The following OSBPL9 variants were observed in gnomAD, a reference collection of about 807,000 sequenced individuals.
OSBPL9 encodes oxysterol binding protein like 9.
OSBPL9 carries 40 observed loss-of-function variants against 106.6 expected under a neutral mutation model. The ratio of observed to expected loss-of-function variants is 0.38; its 90% confidence interval spans 0.29 to 0.49. The LOEUF (loss-of-function observed/expected upper bound fraction) is 0.49. Ranked by LOEUF, OSBPL9 falls within the 20% of genes least tolerant of loss-of-function variation. The probability of loss-of-function intolerance (pLI) is 0.97; values close to 1 mark genes in which losing one functional copy is unlikely to be tolerated. For synonymous variants in OSBPL9, 269 were observed against 295.4 expected, an observed-to-expected ratio of 0.91 and a Z score of 0.92; for missense variants, 609 against 887.2, an observed-to-expected ratio of 0.69 and a Z score of 3.98.
At chr1:51,713,474 A>G (rs747341019) in intron 3 of OSBPL9, among the ~76,000 whole-genome samples, 20 of 152,156 alleles carry the variant, frequency 1.3e-4, no homozygotes, top group Non-Finnish European at 2.4e-4. Context: ...CTTAAATTAA[A>G]GAAGTTTTAG....
chr1:51,657,472 G>T (rs1646886381), intron 2 of OSBPL9, among the ~76,000 whole-genome samples: 1 of 152,206 alleles, frequency 6.6e-6, no homozygotes, highest in Non-Finnish European at 1.5e-5. Flanking sequence ...AGGTCACATA[G>T]GAATGGTGAA....
intron 2 of OSBPL9, among the ~76,000 whole-genome samples, chr1:51,604,116 A>G (rs1643917211): frequency 6.6e-6 from 1 of 152,218 alleles, no homozygotes; most frequent in Non-Finnish European, 1.5e-5. Context: ...CAAAATCTTC[A>G]GGCAGTGAGC....
At chr1:51,532,999 TG>T in the OSBPL9 span, among the ~76,000 whole-genome samples, 1 of 152,146 alleles carries the variant, frequency 6.6e-6, no homozygotes, top group African/African-American at 2.4e-5. Flanking sequence ...GGTAATTAAA[TG>T]GTAATTGGTA....
upstream of OSBPL9, among the ~76,000 whole-genome samples, chr1:51,572,859 A>G (rs192646576): frequency 3.7e-3 from 570 of 152,340 alleles, 3 homozygotes; most frequent in Non-Finnish European, 6.7e-3. Flanking sequence ...TTTTTTTAGT[A>G]TATGTGCTGC....
chr1:51,594,433 A>G (rs549456992), intron 1 of OSBPL9, among the ~76,000 whole-genome samples: 1 of 152,078 alleles, frequency 6.6e-6, no homozygotes. Flanking sequence ...AACAGAAAAG[A>G]AAAAAGAAAA....
chr1:51,780,696 G>A (rs1238441168), intron 15 of OSBPL9, among the ~76,000 whole-genome samples: 2 of 152,038 alleles, frequency 1.3e-5, no homozygotes, highest in Non-Finnish European at 2.9e-5. Context: ...AACCTGGGAG[G>A]TGAGGTTACA....
At chr1:51,731,619 A>C (rs1028050523) in intron 4 of OSBPL9, among the ~76,000 whole-genome samples, 5 of 151,980 alleles carry the variant, frequency 3.3e-5, no homozygotes, top group Admixed American at 3.3e-4. Context: ...TCTACTAAAA[A>C]CACAAAAATT....
the OSBPL9 span, among the ~76,000 whole-genome samples, chr1:51,569,962 C>A: frequency 2.4e-3 from 359 of 152,278 alleles, 1 homozygote; most frequent in African/African-American, 8.3e-3. Context: ...GGAGGTGAGT[C>A]ACCTGCCTAG....
rs1674365736 is a variant in OSBPL9, at chr1:51,773,377, A to G, written c.1170+654A>G. Among the ~76,000 whole-genome samples the G allele has an allele frequency of 2.0e-5, 3 of 152,168 alleles. No homozygotes were observed. In the South Asian group the frequency reaches 6.2e-4, roughly 32 times the overall value. ...TTGTATATTCCTGCCACTGTGCTAGAAAACCCCCTCCTTTCACTTAATTCT... is the reference window on the plus strand; with the variant it reads ...TTGTATATTCCTGCCACTGTGCTAGGAAACCCCCTCCTTTCACTTAATTCT... On this transcript the variant is annotated intron_variant, in intron 14 of 23. Coordinates refer to ENST00000428468, the MANE Select transcript of OSBPL9 (RefSeq NM_024586.6).
intron 1 of OSBPL9, among the ~76,000 whole-genome samples, chr1:51,632,150 C>T (rs1300393370): frequency 6.6e-6 from 1 of 151,908 alleles, no homozygotes; most frequent in Non-Finnish European, 1.5e-5. Context: ...TCTAAAATAA[C>T]AATAAAATAC....
At chr1:51,752,460 G>A (rs772598831) in intron 8 of OSBPL9, 15 of 451,838 alleles carry the variant, frequency 3.3e-5, no homozygotes, top group South Asian at 1.1e-4. Flanking sequence ...AAGTTTACAC[G>A]ATATATTTGT....
chr1:51,639,924 A>G (rs564096373), intron 1 of OSBPL9, among the ~76,000 whole-genome samples: 13 of 146,404 alleles, frequency 8.9e-5, no homozygotes, highest in African/African-American at 3.3e-4. Flanking sequence ...TCCTGGGCTC[A>G]GGCAATCCTC....
At chr1:51,632,743 A>G (rs1645188175) in intron 1 of OSBPL9, among the ~76,000 whole-genome samples, 1 of 152,168 alleles carries the variant, frequency 6.6e-6, no homozygotes, top group Non-Finnish European at 1.5e-5. Context: ...GCATAAGTAT[A>G]GAAAGGCAGT....
chr1:51,764,448 A>C (rs1225857152), intron 11 of OSBPL9, among the ~76,000 whole-genome samples: 1 of 152,176 alleles, frequency 6.6e-6, no homozygotes, highest in African/African-American at 2.4e-5. Context: ...TTTAGGGGTT[A>C]AACTTTTTGT....
chr1:51,549,623 G>A, the OSBPL9 span, among the ~76,000 whole-genome samples: 5 of 152,150 alleles, frequency 3.3e-5, no homozygotes, highest in African/African-American at 7.2e-5. Flanking sequence ...CTTGAGGTCA[G>A]GAGTTAGGGA....
At chr1:51,734,161 A>G (rs1665129718) in intron 4 of OSBPL9, among the ~76,000 whole-genome samples, 1 of 152,208 alleles carries the variant, frequency 6.6e-6, no homozygotes, top group Non-Finnish European at 1.5e-5. Context: ...CGCACGCAGG[A>G]GAGAGAGAAG....
intron 4 of OSBPL9, among the ~76,000 whole-genome samples, chr1:51,714,416 A>G (rs1660662695): frequency 6.6e-6 from 1 of 152,258 alleles, no homozygotes; most frequent in African/African-American, 2.4e-5. Flanking sequence ...ATGCATGATA[A>G]TAGGTAAATA....
chr1:51,551,676 T>C, the OSBPL9 span, among the ~76,000 whole-genome samples: 2 of 152,096 alleles, frequency 1.3e-5, no homozygotes, highest in African/African-American at 4.8e-5. Context: ...AACCTCCGCC[T>C]CCTGGGCTCA....
upstream of OSBPL9, among the ~76,000 whole-genome samples, chr1:51,613,338 G>A (rs1405410298): frequency 6.6e-6 from 1 of 152,200 alleles, no homozygotes; most frequent in Non-Finnish European, 1.5e-5. Context: ...AGTTTCTATA[G>A]GAAGTGTATA....
Sources: allele counts gnomAD v4.1 joint callset (sites outside exome capture counted in the v4.1 genomes callset), GRCh38; gene constraint gnomAD v4.1.1; transcripts MANE v1.5; gene names NCBI Gene and HGNC (gene_info 2026-07-23, HGNC 2026-07-21).